LINGO2: variants seen among roughly 807,000 people sequenced by gnomAD.
LINGO2 encodes the protein leucine rich repeat and Ig domain containing 2.
LINGO2 carries 14 observed loss-of-function variants against 30.6 expected under a neutral mutation model. That is an observed-to-expected ratio of 0.46 (90% CI 0.30 to 0.72). The LOEUF is 0.72. Ranked by LOEUF, LINGO2 falls within the 30% of genes least tolerant of loss-of-function variation. LINGO2 has a pLI of 0.07. For missense variants in LINGO2, 729 were observed against 751.7 expected, an observed-to-expected ratio of 0.97 and a Z score of 0.35; for synonymous variants, 317 against 288.5, an observed-to-expected ratio of 1.10 and a Z score of -1.00.
At chr9:28,523,073 A>G in intron 1 of LINGO2, among the ~76,000 whole-genome samples, 1 of 152,140 alleles carries the variant, frequency 6.6e-6, no homozygotes, top group East Asian at 1.9e-4. Flanking sequence ...CCATAATTTA[A>G]ATATCTAAAA....
the LINGO2 span, among the ~76,000 whole-genome samples, chr9:28,754,925 C>T: frequency 1.3e-5 from 2 of 151,974 alleles, no homozygotes; most frequent in Non-Finnish European, 2.9e-5. Context: ...GCCACCACGC[C>T]CAGCCTTATC....
At chr9:28,318,976 T>A (rs1408706454) in intron 3 of LINGO2, among the ~76,000 whole-genome samples, 1 of 152,192 alleles carries the variant, frequency 6.6e-6, no homozygotes, top group South Asian at 2.1e-4. Flanking sequence ...GGTTAGTAAG[T>A]GGCAGAAGGA....
chr9:28,789,597 G>T, the LINGO2 span, among the ~76,000 whole-genome samples: 1 of 152,112 alleles, frequency 6.6e-6, no homozygotes, highest in Non-Finnish European at 1.5e-5. Flanking sequence ...AACATGTCAT[G>T]AATAGTGAGG....
intron 1 of LINGO2, among the ~76,000 whole-genome samples, chr9:28,578,651 T>G (rs1824108278): frequency 6.6e-6 from 1 of 152,082 alleles, no homozygotes; most frequent in Admixed American, 6.6e-5. Context: ...TATCCTTCTT[T>G]TATTGGTCAT....
At chr9:29,044,467 A>G in the LINGO2 span, among the ~76,000 whole-genome samples, 1 of 152,058 alleles carries the variant, frequency 6.6e-6, no homozygotes, top group Admixed American at 6.6e-5. Context: ...TGGTTAAAAT[A>G]AGGCATATGA....
chr9:29,068,947 A>G, the LINGO2 span, among the ~76,000 whole-genome samples: 1 of 151,914 alleles, frequency 6.6e-6, no homozygotes, highest in East Asian at 1.9e-4. Context: ...TGGCAATACT[A>G]TAAACATATC....
chr9:28,884,928 ATATTATATAT>A, the LINGO2 span, among the ~76,000 whole-genome samples: 1 of 3,124 alleles, frequency 3.2e-4, no homozygotes, highest in African/African-American at 7.0e-4. Context: ...ACTATATATA[ATATTATATAT>A]AATATATATA....
intron 2 of LINGO2, among the ~76,000 whole-genome samples, chr9:28,468,349 C>G: frequency 6.6e-6 from 1 of 152,156 alleles, no homozygotes; most frequent in South Asian, 2.1e-4. Context: ...TGCCAAGGCA[C>G]TAGTTTCTCA....
At chr9:28,434,529 C>CAAA (rs3064822) in intron 2 of LINGO2, among the ~76,000 whole-genome samples, 42 of 131,024 alleles carry the variant, frequency 3.2e-4, no homozygotes, top group African/African-American at 1.1e-3. Flanking sequence ...TCTTGAGCAT[C>CAAA]AAAAAAAAAA....
the LINGO2 span, among the ~76,000 whole-genome samples, chr9:29,200,747 T>C: frequency 6.6e-6 from 1 of 152,108 alleles, no homozygotes; most frequent in Non-Finnish European, 1.5e-5. Context: ...ATGTCCTTTT[T>C]CTATTGCAGG....
At chr9:29,072,922 C>T in the LINGO2 span, among the ~76,000 whole-genome samples, 78 of 113,252 alleles carry the variant, frequency 6.9e-4, no homozygotes, top group South Asian at 3.3e-3. Context: ...AGCTCTCTAG[C>T]GCTCTCTCTC....
At chr9:28,100,223 A>G (rs1826369566) in intron 4 of LINGO2, among the ~76,000 whole-genome samples, 1 of 152,206 alleles carries the variant, frequency 6.6e-6, no homozygotes, top group South Asian at 2.1e-4. Flanking sequence ...AAATCAATAG[A>G]GTCCCCATGA....
intron 3 of LINGO2, among the ~76,000 whole-genome samples, chr9:28,364,274 G>C (rs1820573140): frequency 6.6e-6 from 1 of 151,888 alleles, no homozygotes; most frequent in South Asian, 2.1e-4. Context: ...ATTCTTTTTT[G>C]CAAGAGTCTC....
the LINGO2 span, among the ~76,000 whole-genome samples, chr9:28,712,468 A>C: frequency 2.0e-5 from 3 of 151,246 alleles, no homozygotes; most frequent in Admixed American, 2.0e-4. Context: ...AGACTGATTA[A>C]GTAGCTCAAG....
intron 4 of LINGO2, among the ~76,000 whole-genome samples, chr9:28,199,343 T>TTTCTTCCTCCTCCTCCTCCTCCTCCTC (rs1564036486): frequency 2.0e-4 from 26 of 128,850 alleles, no homozygotes; most frequent in African/African-American, 6.7e-4. Flanking sequence ...TTCTTCTTCT[T>TTTCTTCCTCCTCCTCCTCCTCCTCCTC]CTTTTTTTTT....
At chr9:28,738,259 A>G in the LINGO2 span, among the ~76,000 whole-genome samples, 4 of 152,120 alleles carry the variant, frequency 2.6e-5, no homozygotes, top group African/African-American at 9.7e-5. Flanking sequence ...TCCCTGCCTC[A>G]GGTACTTCAA....
At chr9:27,997,219 G>A (rs1930014) in intron 5 of LINGO2, among the ~76,000 whole-genome samples, 24,306 of 152,098 alleles carry the variant, frequency 0.16, 1,964 homozygotes, top group Admixed American at 0.21. Context: ...CAAGGTCTGG[G>A]CTAATTACCT....
chr9:29,184,738 T>C, the LINGO2 span, among the ~76,000 whole-genome samples: 2 of 142,928 alleles, frequency 1.4e-5, no homozygotes, highest in African/African-American at 5.1e-5. Flanking sequence ...TCTCCCTTCC[T>C]CTCTCTCTCT....
chr9:28,224,218 C>A (rs1225525609), intron 4 of LINGO2, among the ~76,000 whole-genome samples: 1 of 152,114 alleles, frequency 6.6e-6, no homozygotes, highest in African/African-American at 2.4e-5. Flanking sequence ...GTGCCCGCCA[C>A]CATGCCCAGT....
Sources: allele counts gnomAD v4.1 joint callset (sites outside exome capture counted in the v4.1 genomes callset), GRCh38; gene constraint gnomAD v4.1.1; transcripts MANE v1.5; gene names NCBI Gene and HGNC (gene_info 2026-07-23, HGNC 2026-07-21).